Variants in CBLB observed in about 807,000 individuals in gnomAD.
CBLB encodes E3 ubiquitin-protein ligase CBL-B.
A neutral mutation model predicts 104.9 loss-of-function variants in CBLB; 31 were observed. That is an observed-to-expected ratio of 0.30 (90% CI 0.22 to 0.40). The LOEUF is 0.40. Among genes scored for constraint, CBLB ranks in the 10% least tolerant of loss-of-function variants. The pLI, the probability that CBLB is intolerant of heterozygous loss-of-function variation, is 1.00. For missense variants in CBLB, 1,062 were observed against 1,214.6 expected, an observed-to-expected ratio of 0.87 and a Z score of 1.87; for synonymous variants, 440 against 422.6, an observed-to-expected ratio of 1.04 and a Z score of -0.51.
intron 3 of CBLB, among the ~76,000 whole-genome samples, chr3:105,784,212 C>A (rs2152982317): frequency 6.6e-6 from 1 of 152,098 alleles, no homozygotes; most frequent in South Asian, 2.1e-4. Context: ...TAAAATAAAC[C>A]TTTAAAATGT....
intron 10 of CBLB, among the ~76,000 whole-genome samples, chr3:105,706,854 T>C (rs1218208217): frequency 6.6e-6 from 1 of 152,184 alleles, no homozygotes; most frequent in Non-Finnish European, 1.5e-5. Flanking sequence ...GGGCTAGATG[T>C]ACACACTGCA....
chr3:105,816,225 C>G (rs781222221), intron 3 of CBLB, among the ~76,000 whole-genome samples: 2 of 151,936 alleles, frequency 1.3e-5, no homozygotes, highest in Non-Finnish European at 2.9e-5. Flanking sequence ...AAAAAAATTG[C>G]ATGATGTCAT....
At chr3:105,815,129 G>A (rs2084848667) in intron 3 of CBLB, among the ~76,000 whole-genome samples, 1 of 152,026 alleles carries the variant, frequency 6.6e-6, no homozygotes, top group Admixed American at 6.5e-5. Context: ...GCACTTCCCA[G>A]TGCATTTTCA....
chr3:105,728,756 T>G (rs1212297641), intron 9 of CBLB, among the ~76,000 whole-genome samples: 2 of 152,152 alleles, frequency 1.3e-5, no homozygotes, highest in African/African-American at 4.8e-5. Flanking sequence ...AAACTCTGCT[T>G]GCTTATTCAA....
intron 3 of CBLB, among the ~76,000 whole-genome samples, chr3:105,845,805 T>C (rs560471911): frequency 6.6e-6 from 1 of 152,230 alleles, no homozygotes; most frequent in African/African-American, 2.4e-5. Flanking sequence ...CCCCTTCATT[T>C]CCAAACTTTA....
At chr3:105,829,257 T>C (rs572959901) in intron 3 of CBLB, among the ~76,000 whole-genome samples, 54 of 152,208 alleles carry the variant, frequency 3.5e-4, no homozygotes, top group Admixed American at 1.3e-3. Flanking sequence ...ATGAAAAAAA[T>C]AAACATTCTT....
chr3:105,794,242 G>A (rs2082007827), intron 3 of CBLB, among the ~76,000 whole-genome samples: 1 of 152,112 alleles, frequency 6.6e-6, no homozygotes, highest in Non-Finnish European at 1.5e-5. Flanking sequence ...CTGTTACCAT[G>A]TAAAGAAAAA....
chr3:105,863,081 G>T (rs1296154774), intron 2 of CBLB, among the ~76,000 whole-genome samples: 1 of 152,140 alleles, frequency 6.6e-6, no homozygotes. Flanking sequence ...AAAGAAGAAA[G>T]AAATAGATTC....
chr3:105,826,054 C>A (rs145098711), intron 3 of CBLB, among the ~76,000 whole-genome samples: 1 of 151,708 alleles, frequency 6.6e-6, no homozygotes, highest in African/African-American at 2.4e-5. Flanking sequence ...TGAAATTTAA[C>A]GTCAAGCACA....
At position 105,740,571 on chromosome 3, in the gene CBLB, C is replaced by A; in HGVS notation, c.906G>T (p.Gly302=). 6.2e-7 allele frequency: 1 copy of A among 1,613,928 alleles called. No homozygotes were observed. Among genetic ancestry groups the A allele is most frequent in the East Asian group, 2.2e-5 (1 of 44,864 alleles). The part of the protein sequence containing the change: ...LGQWAIGYVT[G]DGNILQTIPH... ...GTATGGTCTGTAAGATATTCCCATC[C>A]CCAGTCACATAGCCAATGGCCCACT... The change falls in exon 7 of 19, where the codon GGG becomes GGT. Residue 302 remains glycine, a synonymous_variant. Coordinates refer to ENST00000394030, the MANE Select transcript of CBLB (RefSeq NM_170662.5).
At chr3:105,797,869 A>T (rs1319166470) in intron 3 of CBLB, among the ~76,000 whole-genome samples, 5 of 152,182 alleles carry the variant, frequency 3.3e-5, no homozygotes, top group Non-Finnish European at 5.9e-5. Context: ...TAGAAAGGAG[A>T]ATAATGAGAA....
intron 9 of CBLB, among the ~76,000 whole-genome samples, chr3:105,728,979 G>A (rs1223666413): frequency 6.6e-6 from 1 of 152,140 alleles, no homozygotes; most frequent in African/African-American, 2.4e-5. Flanking sequence ...TAGGGCATCA[G>A]ATGGAAGGAA....
intron 5 of CBLB, among the ~76,000 whole-genome samples, chr3:105,750,010 A>G (rs2076449589): frequency 6.7e-6 from 1 of 148,716 alleles, no homozygotes; most frequent in African/African-American, 2.5e-5. Context: ...GAAGTGAAAT[A>G]TATCCTATAT....
intron 17 of CBLB, chr3:105,673,231 G>A (rs116092868): frequency 0.036 from 5,458 of 151,978 alleles, 151 homozygotes; most frequent in Non-Finnish European, 0.054. Context: ...ACCAACACCC[G>A]GCTAATTTTT....
chr3:105,850,044 A>G (rs1257800613), intron 3 of CBLB, among the ~76,000 whole-genome samples: 1 of 152,044 alleles, frequency 6.6e-6, no homozygotes, highest in Admixed American at 6.6e-5. Context: ...ATTCCTGGAG[A>G]ATTTTAAAGC....
At chr3:105,754,517 GAGAGAC>G (rs59321122) in intron 4 of CBLB, among the ~76,000 whole-genome samples, 1,891 of 100,644 alleles carry the variant, frequency 0.019, 30 homozygotes, top group African/African-American at 0.055. Context: ...GAGAGAGAGA[GAGAGAC>G]AGAGAGAGAG....
At chr3:105,784,258 CCATTCTTT>C (rs1453733786) in intron 3 of CBLB, among the ~76,000 whole-genome samples, 1 of 152,086 alleles carries the variant, frequency 6.6e-6, no homozygotes, top group African/African-American at 2.4e-5. Context: ...AAAAAATAAT[CCATTCTTT>C]CATTCCTTTA....
At chr3:105,866,998 A>G (rs2092463152) in intron 2 of CBLB, among the ~76,000 whole-genome samples, 2 of 152,214 alleles carry the variant, frequency 1.3e-5, no homozygotes, top group African/African-American at 4.8e-5. Flanking sequence ...TCCCCAGTAA[A>G]TATTTTCAGT....
intron 3 of CBLB, among the ~76,000 whole-genome samples, chr3:105,831,112 C>T (rs978670590): frequency 6.6e-6 from 1 of 152,084 alleles, no homozygotes; most frequent in African/African-American, 2.4e-5. Context: ...ATACACATAA[C>T]CATGTTCATG....
Sources: gnomAD v4.1 joint callset for allele counts (sites outside exome capture counted in the v4.1 genomes callset) on GRCh38, gnomAD v4.1.1 for gene constraint, MANE v1.5 for transcripts, NCBI Gene and HGNC (gene_info 2026-07-23, HGNC 2026-07-21) for gene names.